KHDRBS1: variants seen among roughly 807,000 people sequenced by gnomAD.
KHDRBS1 encodes the protein KH domain-containing, RNA-binding, signal transduction-associated protein 1.
A neutral mutation model predicts 48.4 loss-of-function variants in KHDRBS1; 7 were observed. The observed-to-expected ratio is 0.14, with a 90% confidence interval of 0.08 to 0.27. KHDRBS1 has a LOEUF of 0.27. Ranked by LOEUF, KHDRBS1 falls within the 10% of genes least tolerant of loss-of-function variation. The probability of loss-of-function intolerance (pLI) is 1.00; values close to 1 mark genes in which losing one functional copy is unlikely to be tolerated. For synonymous variants in KHDRBS1, 241 were observed against 235.8 expected (o/e 1.02, Z -0.20); for missense variants, 458 against 601.2 (o/e 0.76, Z 2.49).
chr1:32,030,912 G>A (rs1019926024), intron 2 of KHDRBS1, among the ~76,000 whole-genome samples: 1 of 150,158 alleles, frequency 6.7e-6, no homozygotes, highest in African/African-American at 2.5e-5. Flanking sequence ...GTGCTATATA[G>A]TCTCTTCTGT....
chr1:32,019,273 G>A (rs1638806880), intron 1 of KHDRBS1, among the ~76,000 whole-genome samples: 1 of 152,048 alleles, frequency 6.6e-6, no homozygotes, highest in African/African-American at 2.4e-5. Flanking sequence ...TATTTGGCTG[G>A]GCACAGTTTC....
At chr1:32,025,927 A>ATTTATT (rs1553222310) in intron 1 of KHDRBS1, among the ~76,000 whole-genome samples, 7 of 146,516 alleles carry the variant, frequency 4.8e-5, no homozygotes, top group African/African-American at 1.8e-4. Flanking sequence ...ATATATATAT[A>ATTTATT]TATTTATTTA....
At chr1:32,046,461 C>T (rs1210617710), downstream of KHDRBS1, among the ~76,000 whole-genome samples, 1 of 152,154 alleles carries the variant, frequency 6.6e-6, no homozygotes, top group Non-Finnish European at 1.5e-5. Flanking sequence ...GTGATCCACC[C>T]ACCTTGGCCT....
Position 32,036,829 on chromosome 1 carries a change from T to C in KHDRBS1, c.772-81T>C, listed in dbSNP as rs3738002. Reference sequence around the variant, plus strand: ...GGGCTCTCAAGAGCTCTTCTTAGAATTCAAGTCTCCCGTGGACCAGATGAT... The same window carrying C: ...GGGCTCTCAAGAGCTCTTCTTAGAACTCAAGTCTCCCGTGGACCAGATGAT... On this transcript the variant is annotated intron_variant, in intron 4 of 8. Transcript: ENST00000327300. The C allele has an allele frequency of 2.8e-6, 4 of 1,449,404 alleles. No homozygotes were observed. The East Asian group carries it at 9.7e-5, about 35-fold the overall frequency. The allele number at this position is 1,449,404 out of a possible 1,614,324, so 89.8% of individuals were successfully genotyped here.
At chr1:32,059,011 G>A (rs775308441) in intron 10 of KHDRBS1, among the ~76,000 whole-genome samples, 2 of 151,698 alleles carry the variant, frequency 1.3e-5, no homozygotes, top group Non-Finnish European at 2.9e-5. Flanking sequence ...ACAAAAATTA[G>A]CTGGGCATGG....
chr1:32,042,420 T>C, intron 8 of KHDRBS1, 107 bp from the exon 9 acceptor site: 1 of 713,518 alleles, frequency 1.4e-6, no homozygotes. Flanking sequence ...GTCAAGACAT[T>C]AGAAGAAACT....
Position 32,014,018 on chromosome 1 carries a change from C to A in KHDRBS1, c.23C>A (p.Ala8Asp). MQRRDDP[A>D]ARMSRSSGRS... ...CAGATGCAGCGCCGGGACGACCCCG[C>A]CGCGCGCATGAGCCGGTCTTCGGGC... is the stretch of plus-strand genomic sequence containing the variant. The change falls in exon 1 of 9, where the codon GCC becomes GAC. Residue 8 changes from alanine to aspartate, a missense_variant. By Grantham distance (126) the Ala-to-Asp change is moderately radical (BLOSUM62 -2). Coordinates refer to ENST00000327300, the MANE Select transcript of KHDRBS1 (RefSeq NM_006559.3). 6.5e-7 allele frequency: 1 copy of A among 1,526,952 alleles called. No homozygotes were observed. Among genetic ancestry groups the A allele is most frequent in the Non-Finnish European group, 8.7e-7 (1 of 1,148,760 alleles). The allele number at this position is 1,526,952 out of a possible 1,614,324, so 94.6% of individuals were successfully genotyped here. A position where few individuals can be genotyped will look rare whatever the true frequency, so the allele number is the denominator to read the frequency against.
chr1:32,024,262 AAGTC>A (rs1399295871), intron 1 of KHDRBS1, among the ~76,000 whole-genome samples: 3 of 151,916 alleles, frequency 2.0e-5, no homozygotes, highest in Non-Finnish European at 2.9e-5. Flanking sequence ...CAAAAAAAAA[AAGTC>A]AGAAAAGGCC....
At chr1:32,027,084 C>T (rs990943971) in intron 1 of KHDRBS1, among the ~76,000 whole-genome samples, 5 of 152,188 alleles carry the variant, frequency 3.3e-5, no homozygotes, top group East Asian at 3.8e-4. Context: ...CGTGAGCCAA[C>T]GCGCCCGGTC....
rs1180980879 is a variant in KHDRBS1, at chr1:32,013,898, T to G, written c.-98T>G. 1 of 1,204,370 alleles carries G rather than the reference T, an allele frequency of 8.3e-7. No individual in the cohort carries two copies. The highest frequency in any genetic ancestry group is 1.1e-6 in the Non-Finnish European group (1 of 938,022). The allele number at this position is 1,204,370 out of a possible 1,614,324, so 74.6% of individuals were successfully genotyped here. On this transcript the variant is annotated 5_prime_UTR_variant, in exon 1 of 9. Coordinates refer to ENST00000327300, the MANE Select transcript of KHDRBS1 (RefSeq NM_006559.3). ...GCTGGGTCGCTCGGGTCGGCTTCGG[T>G]CGCTACCGCTCCCGCTCTGCCACCC...
chr1:32,059,540 T>TAAA (rs77286462), intron 10 of KHDRBS1, among the ~76,000 whole-genome samples: 1 of 139,508 alleles, frequency 7.2e-6, no homozygotes, highest in African/African-American at 2.6e-5. Flanking sequence ...ACTCTTTCTT[T>TAAA]AAAAAAAAAA....
At chr1:32,025,166 T>C (rs1638939667) in intron 1 of KHDRBS1, among the ~76,000 whole-genome samples, 1 of 150,316 alleles carries the variant, frequency 6.7e-6, no homozygotes, top group African/African-American at 2.5e-5. Flanking sequence ...CTGGGGGTGC[T>C]GAGGTGGGAG....
chr1:32,040,298 C>G (rs570813443), intron 8 of KHDRBS1, among the ~76,000 whole-genome samples: 1 of 151,962 alleles, frequency 6.6e-6, no homozygotes, highest in Non-Finnish European at 1.5e-5. Flanking sequence ...CGCCTTTAAT[C>G]TCAGCTACTT....
chr1:32,029,645 G>T (rs1486664569), intron 1 of KHDRBS1, among the ~76,000 whole-genome samples: 1 of 152,060 alleles, frequency 6.6e-6, no homozygotes, highest in Non-Finnish European at 1.5e-5. Flanking sequence ...CAAAAAGAGC[G>T]AAACTCCATT....
chr1:32,059,165 GAAAA>G (rs1163066227), intron 10 of KHDRBS1, among the ~76,000 whole-genome samples: 2 of 45,996 alleles, frequency 4.3e-5, no homozygotes, highest in Admixed American at 2.1e-4. Context: ...TGTCTCAGGA[GAAAA>G]AAAAAAAAAA....
chr1:32,022,374 C>T (rs1329086658), intron 1 of KHDRBS1, among the ~76,000 whole-genome samples: 2 of 152,144 alleles, frequency 1.3e-5, no homozygotes, highest in Non-Finnish European at 2.9e-5. Flanking sequence ...CTAAGAATTA[C>T]AGACACTCAG....
chr1:32,038,426 C>G (rs573454513), intron 6 of KHDRBS1, 126 bp from the exon 7 acceptor site: 3 of 939,050 alleles, frequency 3.2e-6, no homozygotes, highest in South Asian at 3.1e-5. Context: ...TAGGCATTAA[C>G]ATTTTGGAGG....
chr1:32,036,273 G>T (rs1204903040), intron 4 of KHDRBS1, among the ~76,000 whole-genome samples: 1 of 141,280 alleles, frequency 7.1e-6, no homozygotes, highest in African/African-American at 2.6e-5. Context: ...CCGGGTTCTC[G>T]CCATTCTCCT....
intron 1 of KHDRBS1, among the ~76,000 whole-genome samples, chr1:32,018,054 CAA>C (rs758443994): frequency 2.0e-5 from 3 of 152,222 alleles, no homozygotes; most frequent in Non-Finnish European, 2.9e-5. Context: ...AAAACATTTA[CAA>C]AGTCTGTTGA....
Sources: allele counts gnomAD v4.1 joint callset (sites outside exome capture counted in the v4.1 genomes callset), GRCh38; gene constraint gnomAD v4.1.1; transcripts MANE v1.5; gene names NCBI Gene and HGNC (gene_info 2026-07-23, HGNC 2026-07-21).